CHD6: variants seen among roughly 807,000 people sequenced by gnomAD.
The protein encoded by CHD6 is chromodomain helicase DNA binding protein 6, also known as ATP-dependent chromatin remodeler CHD6.
In CHD6, 50 loss-of-function variants were observed where a neutral mutation model predicts 276.9. That is an observed-to-expected ratio of 0.18 (90% CI 0.14 to 0.23). The LOEUF (loss-of-function observed/expected upper bound fraction) is 0.23, where lower values mean the gene tolerates loss of function less well. Among genes scored for constraint, CHD6 ranks in the 10% least tolerant of loss-of-function variants. The pLI is 1.00. For synonymous variants in CHD6, 1,173 were observed against 1,229.3 expected (o/e 0.95, Z 0.96); for missense variants, 2,564 against 3,365.8 (o/e 0.76, Z 5.89).
chr20:41,555,119 A>C (rs1601136329), intron 1 of CHD6, among the ~76,000 whole-genome samples: 2 of 95,436 alleles, frequency 2.1e-5, no homozygotes, highest in Admixed American at 1.2e-4. Context: ...TGACCCCCCC[A>C]CCTCCCTCCC....
intron 36 of CHD6, among the ~76,000 whole-genome samples, chr20:41,406,902 C>T (rs2046693746): frequency 6.6e-6 from 1 of 152,210 alleles, no homozygotes; most frequent in African/African-American, 2.4e-5. Context: ...GGACAAAGCC[C>T]TCCCCTGCTG....
intron 1 of CHD6, among the ~76,000 whole-genome samples, chr20:41,613,172 T>A (rs552182613): frequency 2.6e-5 from 4 of 152,182 alleles, no homozygotes; most frequent in African/African-American, 9.7e-5. Context: ...CACTAAAAAT[T>A]AGCACTAATG....
At chr20:41,526,784 A>G (rs1248112859) in intron 3 of CHD6, among the ~76,000 whole-genome samples, 1 of 152,152 alleles carries the variant, frequency 6.6e-6, no homozygotes, top group Non-Finnish European at 1.5e-5. Context: ...CACAGGCTCC[A>G]CTTTTCCTGT....
intron 16 of CHD6, among the ~76,000 whole-genome samples, chr20:41,481,375 A>G (rs926507928): frequency 6.6e-6 from 1 of 151,978 alleles, no homozygotes; most frequent in Non-Finnish European, 1.5e-5. Context: ...TCTTATAAAT[A>G]AACAAAAAGT....
At chr20:41,431,302 T>C (rs768672498) in intron 27 of CHD6, among the ~76,000 whole-genome samples, 2 of 152,246 alleles carry the variant, frequency 1.3e-5, no homozygotes, top group Admixed American at 6.5e-5. Context: ...GATGAAGCCA[T>C]TGTTACTGTT....
chr20:41,495,243 T>C (rs768352188), intron 8 of CHD6, among the ~76,000 whole-genome samples: 7 of 152,128 alleles, frequency 4.6e-5, no homozygotes, highest in Non-Finnish European at 7.3e-5. Context: ...GAAAGTGGGG[T>C]GTATATACCT....
chr20:41,592,040 A>T (rs2045667659), intron 1 of CHD6, among the ~76,000 whole-genome samples: 1 of 151,822 alleles, frequency 6.6e-6, no homozygotes, highest in Admixed American at 6.6e-5. Flanking sequence ...CAGAGCTTGT[A>T]GTGAGCCGAG....
intron 1 of CHD6, among the ~76,000 whole-genome samples, chr20:41,554,310 G>T (rs6072420): frequency 1.3e-5 from 2 of 151,906 alleles, no homozygotes; most frequent in Admixed American, 1.3e-4. Context: ...AAACAAGCAG[G>T]GCACCTAACA....
chr20:41,437,439 G>A (rs1290005172), intron 26 of CHD6, 105 bp from the exon 27 acceptor site: 10 of 669,508 alleles, frequency 1.5e-5, no homozygotes, highest in Non-Finnish European at 2.6e-5. Context: ...GATATTTTGG[G>A]GGAGAGACAG....
At chr20:41,458,130 A>G (rs2048433545) in intron 17 of CHD6, among the ~76,000 whole-genome samples, 1 of 152,164 alleles carries the variant, frequency 6.6e-6, no homozygotes, top group African/African-American at 2.4e-5. Flanking sequence ...TTAAGATTTG[A>G]GCATCTGAAT....
intron 33 of CHD6, 115 bp downstream of exon 33, chr20:41,416,473 C>CAA: frequency 6.4e-6 from 6 of 941,322 alleles, no homozygotes; most frequent in East Asian, 2.5e-5. Flanking sequence ...AATGGCTTGG[C>CAA]AAAAAAAAAC....
chr20:41,404,155 G>T lies in CHD6; in HGVS notation c.*438C>A. The T allele has an allele frequency of 3.8e-6, 4 of 1,060,490 alleles. No homozygotes were observed. The highest frequency in any genetic ancestry group is 4.6e-6 in the Non-Finnish European group (4 of 876,940). 65.7% of individuals were successfully genotyped at this position (1,060,490 alleles called of 1,614,324 possible). A position where few individuals can be genotyped will look rare whatever the true frequency, so the allele number is the denominator to read the frequency against. On this transcript the variant is annotated 3_prime_UTR_variant, in exon 37 of 37. Coordinates refer to ENST00000373233, the MANE Select transcript of CHD6 (RefSeq NM_032221.5). ...AGCACTTCCTTTTTCTGTGCTTTTT[G>T]GTTCCCTGTGACATTCTTCCTGTGC... is the stretch of plus-strand genomic sequence containing the variant.
intron 27 of CHD6, among the ~76,000 whole-genome samples, chr20:41,436,961 C>A (rs1385591966): frequency 6.6e-6 from 1 of 152,106 alleles, no homozygotes; most frequent in Non-Finnish European, 1.5e-5. Flanking sequence ...ATATCAGTAT[C>A]CTGGTTGTGA....
At chr20:41,459,231 C>A (rs1285293079) in intron 17 of CHD6, 1 of 152,240 alleles carries the variant, frequency 6.6e-6, no homozygotes, top group Admixed American at 6.5e-5. Flanking sequence ...CACCAGAATT[C>A]CTATACTTAG....
At chr20:41,516,119 A>G (rs899801386) in intron 3 of CHD6, among the ~76,000 whole-genome samples, 4 of 152,196 alleles carry the variant, frequency 2.6e-5, no homozygotes, top group African/African-American at 9.6e-5. Flanking sequence ...ATTCTTTTAC[A>G]TGAATTATTG....
chr20:41,533,097 C>T lies in CHD6; in HGVS notation c.507G>A (p.Lys169=). Residue 169 remains lysine (K), a synonymous_variant, in exon 3 of 37, where the codon AAG becomes AAA. Transcript: ENST00000373233. ...TGGCTGCAGAGTCAGTGCAGCTCCT[C>T]TTCTCTTTGGCCTCCTTGGTGCCCG... ...EASGTKEAKE[K]RSCTDSAART... 5.0e-6 allele frequency: 8 copies of T among 1,612,376 alleles called. No homozygotes were observed. The highest frequency in any genetic ancestry group is 6.8e-6 in the Non-Finnish European group (8 of 1,179,514).
Position 41,421,898 on chromosome 20 carries a change from C to G in CHD6, c.4737G>C (p.Lys1579Asn), listed in dbSNP as rs746875279. The change falls in exon 31 of 37, where the codon AAG becomes AAC. Residue 1579 changes from lysine to asparagine, a missense_variant. Lys to Asn is a moderately conservative substitution (Grantham distance 94). Transcript: ENST00000373233. ...LYLPVWWECG[K>N]HDRDLLIGTA... The stretch of plus-strand genomic sequence containing the variant: ...TGCCGATGAGCAGGTCTCGATCATG[C>G]TTCCCACACTCCCACCAGACTGGGA... The G allele has an allele frequency of 2.5e-6, 4 of 1,614,148 alleles. No homozygotes were observed. In the South Asian group the frequency reaches 4.4e-5, roughly 18 times the overall value.
At chr20:41,517,521 CA>C (rs1453966762) in intron 3 of CHD6, among the ~76,000 whole-genome samples, 1 of 152,192 alleles carries the variant, frequency 6.6e-6, no homozygotes, top group Non-Finnish European at 1.5e-5. Context: ...CGATTTTTAA[CA>C]AGGGACTTGT....
chr20:41,582,192 C>G (rs1349079879), intron 1 of CHD6, among the ~76,000 whole-genome samples: 1 of 151,998 alleles, frequency 6.6e-6, no homozygotes, highest in African/African-American at 2.4e-5. Context: ...TATCCAAATA[C>G]TAACAAAACA....
Sources: gnomAD v4.1 joint callset for allele counts (sites outside exome capture counted in the v4.1 genomes callset) on GRCh38, gnomAD v4.1.1 for gene constraint, MANE v1.5 for transcripts, NCBI Gene and HGNC (gene_info 2026-07-23, HGNC 2026-07-21) for gene names.